Variants in VPS54 observed in about 807,000 individuals in gnomAD.
The protein encoded by VPS54 is VPS54 subunit of GARP complex.
Under a neutral mutation model 121.5 loss-of-function variants are expected in VPS54, and 45 were observed. The ratio of observed to expected loss-of-function variants is 0.37; its 90% CI spans 0.29 to 0.47. VPS54 has a LOEUF of 0.47. Ranked by LOEUF, VPS54 falls within the 20% of genes least tolerant of loss-of-function variation. The probability of loss-of-function intolerance (pLI) is 0.99; values close to 1 mark genes in which losing one functional copy is unlikely to be tolerated. For synonymous variants in VPS54, 371 were observed against 385.8 expected, an observed-to-expected ratio of 0.96 and a Z score of 0.45; for missense variants, 1,090 against 1,131.4, an observed-to-expected ratio of 0.96 and a Z score of 0.52.
intron 15 of VPS54, among the ~76,000 whole-genome samples, chr2:63,917,644 A>G (rs911872805): frequency 3.3e-5 from 5 of 151,996 alleles, no homozygotes; most frequent in African/African-American, 1.2e-4. Context: ...ATTTGTAAAT[A>G]TATTTGACTA....
rs143982231 is a variant in VPS54, at chr2:63,893,053, G to A, written c.*377C>T. On this transcript the variant is annotated 3_prime_UTR_variant, in exon 23 of 23. Coordinates refer to ENST00000272322, the MANE Select transcript of VPS54 (RefSeq NM_016516.3). ...CATTAAATAAGGTGGGACACCATAT[G>A]AATTTCATTGCACTGGAAGAAATGC... 62 of 179,688 alleles carry A rather than the reference G, an allele frequency of 3.5e-4. No homozygotes were observed. The highest frequency in any genetic ancestry group is 1.3e-3 in the African/African-American group (55 of 42,428). 11.1% of individuals were successfully genotyped at this position (179,688 alleles called of 1,614,324 possible).
chr2:63,989,007 A>AG (rs972254829), intron 1 of VPS54, among the ~76,000 whole-genome samples: 12 of 152,144 alleles, frequency 7.9e-5, no homozygotes, highest in South Asian at 6.2e-4. Context: ...TCGGCCGGGA[A>AG]GGGGGGCCTC....
chr2:63,992,858 G>C (rs1262978306), intron 1 of VPS54, among the ~76,000 whole-genome samples: 2 of 152,076 alleles, frequency 1.3e-5, no homozygotes, highest in East Asian at 3.8e-4. Flanking sequence ...TGAAAAATTT[G>C]CTTTTATTGT....
In VPS54 at chr2:63,994,778, A is replaced by T. The variant is rs143604328; in HGVS notation, c.-20-10759T>A. Among the ~76,000 whole-genome samples, 1,083 of 152,340 alleles carry T rather than the reference A, an allele frequency of 7.1e-3. 6 individuals carry two copies. The highest frequency in any genetic ancestry group is 0.021 in the South Asian group (103 of 4,830). On this transcript the variant is annotated intron_variant, in intron 1 of 22. Transcript: ENST00000272322. ...CATGCCCTAAAAATTTTGAGGGCCC[A>T]TCTAAAACCTTAATTTGGGAAGATT... is the stretch of plus-strand genomic sequence containing the variant.
rs796152113 is a variant in VPS54 at position 64,010,452 on chromosome 2, A to G, written c.-21+8486T>C. Among the ~76,000 whole-genome samples, 6 of 152,328 alleles carry G rather than the reference A, an allele frequency of 3.9e-5. 1 individual carries two copies. The highest frequency in any genetic ancestry group is 1.4e-4 in the African/African-American group (6 of 41,584). On this transcript the variant is annotated intron_variant, in intron 1 of 22. Coordinates refer to ENST00000272322, the MANE Select transcript of VPS54 (RefSeq NM_016516.3). ...ACAGAACTCAGGAGTTTATGTTACC[A>G]TAGTAAAAACTCTGCCCCCTCCTTT... is the stretch of plus-strand genomic sequence containing the variant.
intron 3 of VPS54, among the ~76,000 whole-genome samples, chr2:63,978,536 C>T (rs1676653366): frequency 6.6e-6 from 1 of 152,172 alleles, no homozygotes; most frequent in Non-Finnish European, 1.5e-5. Context: ...CCAGTGAAGC[C>T]ATGTGGATCT....
chr2:63,981,997 C>A, intron 2 of VPS54, 110 bp from the exon 3 acceptor site: 24 of 1,152,076 alleles, frequency 2.1e-5, no homozygotes, highest in Non-Finnish European at 2.6e-5. Flanking sequence ...CGCAAACCAA[C>A]TAATCTTCCA....
chr2:63,945,327 G>A (rs1392813023), intron 9 of VPS54, among the ~76,000 whole-genome samples: 1 of 152,146 alleles, frequency 6.6e-6, no homozygotes, highest in Non-Finnish European at 1.5e-5. Flanking sequence ...ACTTGTAAGT[G>A]GGAGCTAAAT....
At chr2:63,968,863 CAAAA>C (rs34977697) in intron 5 of VPS54, 90 bp downstream of exon 5, 54 of 913,924 alleles carry the variant, frequency 5.9e-5, no homozygotes, top group South Asian at 1.4e-4. Context: ...GCCAAAGGGT[CAAAA>C]AAAAAAAAAA....
chr2:63,974,427 T>C (rs1246289911), intron 3 of VPS54, among the ~76,000 whole-genome samples: 1 of 152,216 alleles, frequency 6.6e-6, no homozygotes, highest in Non-Finnish European at 1.5e-5. Flanking sequence ...TTAGCTATTC[T>C]GGGTCTTTTT....
intron 1 of VPS54, among the ~76,000 whole-genome samples, chr2:64,002,011 C>T (rs912059661): frequency 6.6e-6 from 1 of 152,216 alleles, no homozygotes; most frequent in Admixed American, 6.5e-5. Context: ...CTTGCCAGAA[C>T]TCAAGTTCCA....
At chr2:63,896,422 A>G (rs1370066039) in intron 22 of VPS54, among the ~76,000 whole-genome samples, 1 of 152,204 alleles carries the variant, frequency 6.6e-6, no homozygotes, top group Non-Finnish European at 1.5e-5. Context: ...AAATCTAGGT[A>G]AAAGCTATTC....
chr2:63,949,195 A>G (rs892759676), intron 7 of VPS54, 32 bp from the exon 8 acceptor site: 4 of 1,583,672 alleles, frequency 2.5e-6, no homozygotes, highest in Non-Finnish European at 3.4e-6. Flanking sequence ...TTATATTTAT[A>G]TTCACTAAAA....
At chr2:63,957,277 C>T (rs1341880486) in intron 7 of VPS54, among the ~76,000 whole-genome samples, 1 of 151,740 alleles carries the variant, frequency 6.6e-6, no homozygotes, top group Non-Finnish European at 1.5e-5. Context: ...CCTGTCTCTA[C>T]TAAAAATACA....
At chr2:63,970,206 T>C (rs1045604465) in intron 4 of VPS54, among the ~76,000 whole-genome samples, 10 of 50,490 alleles carry the variant, frequency 2.0e-4, no homozygotes, top group Non-Finnish European at 3.4e-4. Flanking sequence ...AAAAAAAATA[T>C]ATATATACAC....
chr2:63,952,065 G>C (rs989060064), intron 7 of VPS54, among the ~76,000 whole-genome samples: 1 of 152,016 alleles, frequency 6.6e-6, no homozygotes, highest in Non-Finnish European at 1.5e-5. Flanking sequence ...CCCTGTTCTG[G>C]GTGCAAATAA....
intron 1 of VPS54, among the ~76,000 whole-genome samples, chr2:63,989,615 G>A (rs1201900961): frequency 6.6e-6 from 1 of 152,156 alleles, no homozygotes; most frequent in Non-Finnish European, 1.5e-5. Flanking sequence ...TTTGGTAGGT[G>A]CGGAGAAATG....
chr2:64,003,893 G>A (rs1678002781), intron 1 of VPS54, among the ~76,000 whole-genome samples: 1 of 152,138 alleles, frequency 6.6e-6, no homozygotes, highest in Non-Finnish European at 1.5e-5. Context: ...GTGGTGCCCA[G>A]ACTTCTGTTT....
intron 3 of VPS54, among the ~76,000 whole-genome samples, chr2:63,978,855 G>A (rs578189518): frequency 8.9e-4 from 135 of 152,172 alleles, no homozygotes; most frequent in Non-Finnish European, 1.4e-3. Flanking sequence ...CTTGACCTCA[G>A]GTGATCTGCC....
Sources: allele counts gnomAD v4.1 joint callset (sites outside exome capture counted in the v4.1 genomes callset), GRCh38; gene constraint gnomAD v4.1.1; transcripts MANE v1.5; gene names NCBI Gene and HGNC (gene_info 2026-07-23, HGNC 2026-07-21).